Variants in CELF4 observed in about 807,000 individuals in gnomAD.
The protein encoded by CELF4 is CUG-BP- and ETR-3-like factor 4.
In CELF4, 18 loss-of-function variants were observed where a neutral mutation model predicts 59.9. The ratio of observed to expected loss-of-function variants is 0.30; its 90% CI spans 0.21 to 0.45. The LOEUF is 0.45. Ranked by LOEUF, CELF4 falls within the 20% of genes least tolerant of loss-of-function variation. The probability of loss-of-function intolerance (pLI) is 1.00; values close to 1 mark genes in which losing one functional copy is unlikely to be tolerated. For missense variants in CELF4, 456 were observed against 689.0 expected, an observed-to-expected ratio of 0.66 and a Z score of 3.79; for synonymous variants, 261 against 267.1, an observed-to-expected ratio of 0.98 and a Z score of 0.22.
chr18:37,516,142 A>T (rs2099950383), intron 1 of CELF4, among the ~76,000 whole-genome samples: 1 of 152,164 alleles, frequency 6.6e-6, no homozygotes, highest in African/African-American at 2.4e-5. Context: ...CTGGCAAAAA[A>T]TATTATTTAC....
chr18:37,496,460 G>A (rs756655841), intron 1 of CELF4, among the ~76,000 whole-genome samples: 5 of 152,120 alleles, frequency 3.3e-5, no homozygotes, highest in African/African-American at 7.2e-5. Context: ...AAATAATCTC[G>A]CCTCTGTCCT....
In CELF4 at chr18:37,244,992, T is replaced by C. The variant is rs922627690; in HGVS notation, c.*250A>G. The C allele has an allele frequency of 2.6e-5, 4 of 152,620 alleles. No homozygotes were observed. Among genetic ancestry groups the C allele is most frequent in the Non-Finnish European group, 5.9e-5 (4 of 68,068 alleles). 9.5% of individuals were successfully genotyped at this position (152,620 alleles called of 1,614,324 possible). On this transcript the variant is annotated 3_prime_UTR_variant, in exon 13 of 13. Coordinates refer to ENST00000420428, the MANE Select transcript of CELF4 (RefSeq NM_020180.4). ...TCTTCATCTTCTTCTTCATGTCATATATATTTTCCCCCAAACACGTGCCCT... is the reference window on the plus strand; with the variant it reads ...TCTTCATCTTCTTCTTCATGTCATACATATTTTCCCCCAAACACGTGCCCT...
At chr18:37,490,339 C>G (rs1313798711) in intron 1 of CELF4, among the ~76,000 whole-genome samples, 1 of 151,828 alleles carries the variant, frequency 6.6e-6, no homozygotes, top group African/African-American at 2.4e-5. Context: ...ACATTTAGAC[C>G]CAGAATGTAT....
intron 2 of CELF4, among the ~76,000 whole-genome samples, chr18:37,335,539 G>C (rs1226299421): frequency 6.6e-6 from 1 of 151,576 alleles, no homozygotes; most frequent in Non-Finnish European, 1.5e-5. Flanking sequence ...ATGGGTGTAG[G>C]TATGGTGTGT....
intron 1 of CELF4, among the ~76,000 whole-genome samples, chr18:37,519,938 G>A (rs1378668437): frequency 6.6e-6 from 1 of 152,198 alleles, no homozygotes; most frequent in Non-Finnish European, 1.5e-5. Flanking sequence ...CAGACTGGTG[G>A]GAGACAAGGG....
At chr18:37,540,317 CTCATT>C in intron 1 of CELF4, among the ~76,000 whole-genome samples, 1 of 152,242 alleles carries the variant, frequency 6.6e-6, no homozygotes, top group Non-Finnish European at 1.5e-5. Flanking sequence ...GATTACATCT[CTCATT>C]TGTAAGTAAA....
chr18:37,485,169 C>T (rs1372988669), intron 2 of CELF4, among the ~76,000 whole-genome samples: 1 of 152,088 alleles, frequency 6.6e-6, no homozygotes, highest in African/African-American at 2.4e-5. Flanking sequence ...CCGGCCCCCT[C>T]CTCCCCCACT....
chr18:37,279,353 G>A (rs1212472356), intron 3 of CELF4, among the ~76,000 whole-genome samples: 2 of 147,642 alleles, frequency 1.4e-5, no homozygotes, highest in African/African-American at 2.4e-5. Context: ...GATGTGGTGA[G>A]CAACTGGAGG....
chr18:37,327,954 C>T (rs2097380303), intron 2 of CELF4, among the ~76,000 whole-genome samples: 1 of 152,222 alleles, frequency 6.6e-6, no homozygotes, highest in African/African-American at 2.4e-5. Flanking sequence ...TACAGGGAGG[C>T]TTCCTGATTG....
At chr18:37,321,012 T>C (rs2097097131) in intron 3 of CELF4, among the ~76,000 whole-genome samples, 1 of 152,116 alleles carries the variant, frequency 6.6e-6, no homozygotes, top group Non-Finnish European at 1.5e-5. Context: ...CAGAGTATGT[T>C]TGAATCTCAT....
intron 2 of CELF4, among the ~76,000 whole-genome samples, chr18:37,362,527 G>A (rs574723577): frequency 9.3e-4 from 141 of 152,252 alleles, no homozygotes; most frequent in African/African-American, 3.3e-3. Context: ...TGTGGTCAGA[G>A]AGCACAGTGC....
chr18:37,330,088 C>T (rs1001796795), intron 2 of CELF4, among the ~76,000 whole-genome samples: 6 of 152,208 alleles, frequency 3.9e-5, no homozygotes, highest in Non-Finnish European at 8.8e-5. Flanking sequence ...CCTGGTGATG[C>T]AACCAACTCG....
intron 2 of CELF4, among the ~76,000 whole-genome samples, chr18:37,360,216 C>T (rs2861221): frequency 6.6e-6 from 1 of 152,000 alleles, no homozygotes; most frequent in Non-Finnish European, 1.5e-5. Flanking sequence ...CTGAAGTCCT[C>T]TTTGCAATCT....
chr18:37,380,329 C>CTTCAACTCT (rs2099022068), intron 2 of CELF4, among the ~76,000 whole-genome samples: 2 of 152,156 alleles, frequency 1.3e-5, no homozygotes, highest in Non-Finnish European at 2.9e-5. Flanking sequence ...TCTCCTATGC[C>CTTCAACTCT]TCAGGTTGAA....
rs374091704 is a variant in CELF4 at position 37,327,392 on chromosome 18, T to C, written c.370-5511A>G. Among the ~76,000 whole-genome samples the C allele has an allele frequency of 1.6e-4, 25 of 152,244 alleles. No homozygotes were observed. The East Asian group carries it at 4.8e-3, about 29-fold the overall frequency. On this transcript the variant is annotated intron_variant, in intron 2 of 12. Transcript: ENST00000420428. ...GCTCACTGGGCTGGTGAGCGACATTTTCCTGCCTATACACGTCTCTTCTCC... is the reference window on the plus strand; with the variant it reads ...GCTCACTGGGCTGGTGAGCGACATTCTCCTGCCTATACACGTCTCTTCTCC...
At chr18:37,562,791 T>G (rs1047999322) in intron 1 of CELF4, among the ~76,000 whole-genome samples, 4 of 152,164 alleles carry the variant, frequency 2.6e-5, no homozygotes, top group African/African-American at 9.7e-5. Context: ...ACGGTCTCAT[T>G]TATTCAGCTC....
intron 2 of CELF4, among the ~76,000 whole-genome samples, chr18:37,330,000 A>G (rs1472668356): frequency 6.6e-6 from 1 of 152,180 alleles, no homozygotes; most frequent in Non-Finnish European, 1.5e-5. Flanking sequence ...CAGAAAGATC[A>G]TCAGTCCATT....
At chr18:37,349,429 G>T (rs1437331273) in intron 2 of CELF4, among the ~76,000 whole-genome samples, 1 of 152,212 alleles carries the variant, frequency 6.6e-6, no homozygotes, top group Non-Finnish European at 1.5e-5. Flanking sequence ...TCTGTAGCGG[G>T]TTTAGGGAGG....
At chr18:37,411,106 G>A (rs972572608) in intron 2 of CELF4, among the ~76,000 whole-genome samples, 1 of 152,068 alleles carries the variant, frequency 6.6e-6, no homozygotes, top group East Asian at 1.9e-4. Context: ...ACAGGTGTGT[G>A]CCACCATGCC....
Sources: gnomAD v4.1 joint callset for allele counts (sites outside exome capture counted in the v4.1 genomes callset) on GRCh38, gnomAD v4.1.1 for gene constraint, MANE v1.5 for transcripts, NCBI Gene and HGNC (gene_info 2026-07-23, HGNC 2026-07-21) for gene names.